Variants in SCN2A observed in about 807,000 individuals in gnomAD.
The protein encoded by SCN2A is sodium voltage-gated channel alpha subunit 2.
A neutral mutation model predicts 188.7 loss-of-function variants in SCN2A; 20 were observed. The ratio of observed to expected loss-of-function variants is 0.11; its 90% CI spans 0.07 to 0.15. SCN2A has a LOEUF of 0.15. SCN2A is among the 10% of genes least tolerant of loss of function. The probability of loss-of-function intolerance (pLI) is 1.00; values close to 1 mark genes in which losing one functional copy is unlikely to be tolerated. For synonymous variants in SCN2A, 804 were observed against 833.1 expected (o/e 0.97, Z 0.60); for missense variants, 1,278 against 2,445.0 (o/e 0.52, Z 10.07).
chr2:165,297,738 T>C (rs537225445), intron 3 of SCN2A, among the ~76,000 whole-genome samples: 2 of 152,352 alleles, frequency 1.3e-5, no homozygotes, highest in South Asian at 4.1e-4. Context: ...TTTCTTTTTA[T>C]CACTTGTTCC....
intron 14 of SCN2A, among the ~76,000 whole-genome samples, chr2:165,334,009 A>G (rs1016976197): frequency 3.3e-5 from 5 of 150,066 alleles, no homozygotes; most frequent in African/African-American, 9.8e-5. Flanking sequence ...CAAACTAGAT[A>G]ACCTATGTGA....
At chr2:165,309,148 C>G (rs756849813) in intron 5 of SCN2A, 35 of 1,611,864 alleles carry the variant, frequency 2.2e-5, no homozygotes, top group Admixed American at 1.7e-5. Context: ...CTGAATAACT[C>G]TGATTTAATT....
At chr2:165,283,105 A>T (rs1695653783) in intron 1 of SCN2A, among the ~76,000 whole-genome samples, 1 of 152,230 alleles carries the variant, frequency 6.6e-6, no homozygotes, top group South Asian at 2.1e-4. Context: ...GGTGACAAAG[A>T]TCATAAATTA....
At chr2:165,325,038 G>C (rs1698278478) in intron 12 of SCN2A, among the ~76,000 whole-genome samples, 1 of 152,014 alleles carries the variant, frequency 6.6e-6, no homozygotes, top group Non-Finnish European at 1.5e-5. Context: ...ACAAGGTCTG[G>C]GAATCTTCTT....
At chr2:165,251,465 T>G (rs1415690812) in intron 1 of SCN2A, among the ~76,000 whole-genome samples, 2 of 152,146 alleles carry the variant, frequency 1.3e-5, no homozygotes, top group African/African-American at 2.4e-5. Flanking sequence ...TGCAAAGTGC[T>G]GCGTATGTTG....
intron 15 of SCN2A, 84 bp downstream of exon 15, chr2:165,342,553 C>T: frequency 7.2e-7 from 1 of 1,396,370 alleles, no homozygotes; most frequent in Non-Finnish European, 1.0e-6. Context: ...CAAGATTTCC[C>T]ATCATTATAA....
intron 1 of SCN2A, among the ~76,000 whole-genome samples, chr2:165,261,507 G>A (rs1304662187): frequency 6.6e-6 from 1 of 152,196 alleles, no homozygotes; most frequent in African/African-American, 2.4e-5. Context: ...TTGGTGTGCT[G>A]TTAAATGTTT....
intron 19 of SCN2A, 67 bp downstream of exon 19, chr2:165,367,438 T>C: frequency 6.7e-7 from 1 of 1,501,810 alleles, no homozygotes; most frequent in Non-Finnish European, 9.3e-7. Flanking sequence ...TTCAATCAAC[T>C]CATATTACCC....
chr2:165,333,280 G>A (rs540773309), intron 14 of SCN2A, among the ~76,000 whole-genome samples: 16 of 152,022 alleles, frequency 1.1e-4, no homozygotes, highest in South Asian at 6.2e-4. Context: ...CTGGTCTTAC[G>A]TGTTAAGGAA....
At chr2:165,312,393 TA>T (rs1697484589) in intron 8 of SCN2A, among the ~76,000 whole-genome samples, 1 of 152,156 alleles carries the variant, frequency 6.6e-6, no homozygotes, top group Non-Finnish European at 1.5e-5. Context: ...ACATACTTTT[TA>T]TAAGTGTCAT....
At chr2:165,381,381 A>G (rs1261435415) in intron 25 of SCN2A, among the ~76,000 whole-genome samples, 184 bp downstream of exon 25, 3 of 151,870 alleles carry the variant, frequency 2.0e-5, no homozygotes, top group African/African-American at 7.2e-5. Context: ...TATAAATTAT[A>G]TAATGCATAA....
chr2:165,304,749 A>C (rs967387903), intron 3 of SCN2A, among the ~76,000 whole-genome samples: 1 of 152,236 alleles, frequency 6.6e-6, no homozygotes, highest in African/African-American at 2.4e-5. Context: ...AACATTTGAC[A>C]ACCTAAAATA....
intron 1 of SCN2A, among the ~76,000 whole-genome samples, chr2:165,292,412 G>A (rs948660470): frequency 6.6e-6 from 1 of 152,004 alleles, no homozygotes. Context: ...TTGAGGGCAC[G>A]ATTGAACCCA....
chr2:165,343,683 C>T (rs1370718318), intron 15 of SCN2A, among the ~76,000 whole-genome samples: 1 of 152,114 alleles, frequency 6.6e-6, no homozygotes, highest in Non-Finnish European at 1.5e-5. Context: ...TGCTCTTTAA[C>T]CATAAATGGT....
At chr2:165,327,177 C>A in intron 13 of SCN2A, 193 bp downstream of exon 13, 1 of 603,052 alleles carries the variant, frequency 1.7e-6, no homozygotes, top group Non-Finnish European at 2.8e-6. Flanking sequence ...TATATTTAGC[C>A]TCCAGAAAGC....
intron 1 of SCN2A, among the ~76,000 whole-genome samples, chr2:165,244,782 G>A (rs567443404): frequency 1.3e-5 from 2 of 152,128 alleles, no homozygotes; most frequent in African/African-American, 4.8e-5. Flanking sequence ...CTGGTATCTA[G>A]GATTAGTTGG....
chr2:165,245,262 G>T (rs913824243), intron 1 of SCN2A: 1 of 152,114 alleles, frequency 6.6e-6, no homozygotes, highest in Admixed American at 6.5e-5. Context: ...TTTAATCACG[G>T]GGGTGGTTAC....
rs150254885 is a variant in SCN2A at position 165,322,114 on chromosome 2, G to A, written c.1672-1042G>A. ...TGTCTTTCTCCATATCTGAATCTAGGTTCCTCCCACATGGTGGCAAGATGT... is the reference window on the plus strand; with the variant it reads ...TGTCTTTCTCCATATCTGAATCTAGATTCCTCCCACATGGTGGCAAGATGT... On this transcript the variant is annotated intron_variant, in intron 11 of 26. Coordinates refer to ENST00000375437, the MANE Select transcript of SCN2A (RefSeq NM_001040142.2). 8.2e-3 allele frequency among the ~76,000 whole-genome samples: 1,244 copies of A among 152,236 alleles called. 24 individuals carry two copies. The highest frequency in any genetic ancestry group is 0.028 in the African/African-American group (1,151 of 41,536).
intron 11 of SCN2A, among the ~76,000 whole-genome samples, chr2:165,318,758 G>T (rs1697905253): frequency 6.6e-6 from 1 of 152,158 alleles, no homozygotes; most frequent in Non-Finnish European, 1.5e-5. Flanking sequence ...TGCAAAGCAT[G>T]TATTGTTTGC....
Sources: gnomAD v4.1 joint callset for allele counts (sites outside exome capture counted in the v4.1 genomes callset) on GRCh38, gnomAD v4.1.1 for gene constraint, MANE v1.5 for transcripts, NCBI Gene and HGNC (gene_info 2026-07-23, HGNC 2026-07-21) for gene names.